The following CACNB2 variants were observed in gnomAD, a reference collection of about 807,000 sequenced individuals.
CACNB2 encodes the protein calcium voltage-gated channel auxiliary subunit beta 2.
CACNB2 carries 42 observed loss-of-function variants against 73.3 expected under a neutral mutation model. The ratio of observed to expected loss-of-function variants is 0.57; its 90% CI spans 0.45 to 0.74. The LOEUF is 0.74. CACNB2 is among the 30% of genes least tolerant of loss of function. The pLI is 0.00. For synonymous variants in CACNB2, 348 were observed against 310.3 expected (o/e 1.12, Z -1.28); for missense variants, 940 against 853.0 (o/e 1.10, Z -1.27).
intron 3 of CACNB2, among the ~76,000 whole-genome samples, chr10:18,484,030 G>A (rs1415908700): frequency 6.6e-6 from 1 of 152,172 alleles, no homozygotes; most frequent in Non-Finnish European, 1.5e-5. Flanking sequence ...AAAAAATGAT[G>A]TCACTGGTGT....
chr10:18,271,033 G>A (rs111813592), intron 2 of CACNB2, among the ~76,000 whole-genome samples: 7 of 152,272 alleles, frequency 4.6e-5, no homozygotes, highest in African/African-American at 1.7e-4. Flanking sequence ...GCTTCCCCTA[G>A]ATACTTCATT....
chr10:18,444,788 T>C (rs979590036), intron 3 of CACNB2, among the ~76,000 whole-genome samples: 2 of 152,178 alleles, frequency 1.3e-5, no homozygotes, highest in African/African-American at 4.8e-5. Flanking sequence ...TCCCCTTCCA[T>C]TTCATAGAGA....
In CACNB2 at chr10:18,542,590, T is replaced by A. The variant is rs1329352025; in HGVS notation, c.*2866T>A. ...TTATTTTGTATCTAGATTCTTAGCTTGCACTTTACTGTAGAACATATTAGT... is the reference window on the plus strand; with the variant it reads ...TTATTTTGTATCTAGATTCTTAGCTAGCACTTTACTGTAGAACATATTAGT... On this transcript the variant is annotated 3_prime_UTR_variant, in exon 14 of 14. Coordinates refer to ENST00000324631, the MANE Select transcript of CACNB2 (RefSeq NM_201596.3). 1 of 152,238 alleles carries A rather than the reference T, an allele frequency of 6.6e-6. No homozygotes were observed. The highest frequency in any genetic ancestry group is 1.5e-5 in the Non-Finnish European group (1 of 68,038). The allele number at this position is 152,238 out of a possible 1,614,324, so 9.4% of individuals were successfully genotyped here. A position where few individuals can be genotyped will look rare whatever the true frequency, so the allele number is the denominator to read the frequency against.
intron 2 of CACNB2, among the ~76,000 whole-genome samples, chr10:18,358,262 G>A (rs375925142): frequency 1.1e-3 from 162 of 152,132 alleles, no homozygotes; most frequent in African/African-American, 3.8e-3. Flanking sequence ...ATTTTTTTGT[G>A]TTTTTAGTAG....
intron 6 of CACNB2, among the ~76,000 whole-genome samples, chr10:18,511,869 G>A (rs2050809281): frequency 6.6e-6 from 1 of 152,190 alleles, no homozygotes; most frequent in Non-Finnish European, 1.5e-5. Context: ...GTGGTATACG[G>A]AGGGTTATAG....
intron 2 of CACNB2, among the ~76,000 whole-genome samples, chr10:18,286,406 T>C (rs2038795823): frequency 6.6e-6 from 1 of 150,960 alleles, no homozygotes; most frequent in Admixed American, 6.6e-5. Context: ...TAGTCCCAGC[T>C]ACTCGGGAGG....
rs139046732 is a variant in CACNB2, at chr10:18,293,429, T to C, written c.214-108495T>C. 3.3e-4 allele frequency among the ~76,000 whole-genome samples: 50 copies of C among 152,328 alleles called. No individual in the cohort carries two copies. The East Asian group carries it at 8.9e-3, about 27-fold the overall frequency. On this transcript the variant is annotated intron_variant, in intron 2 of 13. Coordinates refer to ENST00000324631, the MANE Select transcript of CACNB2 (RefSeq NM_201596.3). ...ACATAAACATTAAAGAAAAGAGTCGTTTCAGAAGTACATCCCCTCCTTCAT... is the reference window on the plus strand; with the variant it reads ...ACATAAACATTAAAGAAAAGAGTCGCTTCAGAAGTACATCCCCTCCTTCAT...
intron 2 of CACNB2, among the ~76,000 whole-genome samples, chr10:18,188,940 C>T (rs2034275918): frequency 6.6e-6 from 1 of 152,052 alleles, no homozygotes; most frequent in African/African-American, 2.4e-5. Flanking sequence ...AAGAACCGCA[C>T]TTGAGAGGAT....
chr10:18,240,529 T>G (rs1450389936), intron 2 of CACNB2, among the ~76,000 whole-genome samples: 2 of 152,160 alleles, frequency 1.3e-5, no homozygotes, highest in Non-Finnish European at 2.9e-5. Flanking sequence ...AAATCCAACT[T>G]CTTTCTTGAC....
chr10:18,402,935 G>C (rs1377683153), intron 3 of CACNB2, among the ~76,000 whole-genome samples: 1 of 152,198 alleles, frequency 6.6e-6, no homozygotes, highest in Admixed American at 6.5e-5. Context: ...TCTCTGAGAT[G>C]AGTAAAATCT....
chr10:18,344,443 C>T (rs1158296580), intron 2 of CACNB2, among the ~76,000 whole-genome samples: 2 of 151,594 alleles, frequency 1.3e-5, no homozygotes, highest in African/African-American at 4.9e-5. Flanking sequence ...GATCTTGGCT[C>T]ACTGAAACCT....
intron 3 of CACNB2, among the ~76,000 whole-genome samples, chr10:18,468,083 A>G (rs2047993712): frequency 6.6e-6 from 1 of 152,198 alleles, no homozygotes; most frequent in Non-Finnish European, 1.5e-5. Flanking sequence ...TACCAGGCAC[A>G]TGTTGATCAG....
chr10:18,217,033 G>A (rs2482118), intron 2 of CACNB2, among the ~76,000 whole-genome samples: 2 of 151,930 alleles, frequency 1.3e-5, no homozygotes, highest in African/African-American at 4.8e-5. Flanking sequence ...CTTTTCATAC[G>A]TTTATTGAAT....
intron 2 of CACNB2, among the ~76,000 whole-genome samples, chr10:18,310,103 T>G (rs978282349): frequency 2.0e-5 from 3 of 152,186 alleles, no homozygotes; most frequent in African/African-American, 7.2e-5. Flanking sequence ...AATAGATTTT[T>G]TTTTTCAACT....
rs1295680841 is a variant in CACNB2, at chr10:18,401,915, C to A, written c.214-9C>A. The A allele has an allele frequency of 6.2e-6, 10 of 1,613,834 alleles. No homozygotes were observed. The highest frequency in any genetic ancestry group is 8.5e-6 in the Non-Finnish European group (10 of 1,179,778). On this transcript the variant is annotated splice_polypyrimidine_tract_variant and intron_variant, in intron 2 of 13. Coordinates refer to ENST00000324631, the MANE Select transcript of CACNB2 (RefSeq NM_201596.3). ...GAATCTACTTTAAAATGTACATTTT[C>A]CTCTCCAGGGTTCGGCAGACTCCTA...
At position 18,258,389 on chromosome 10, in the gene CACNB2, T is replaced by G. The variant is rs184163686; in HGVS notation, c.213+107414T>G. Reference sequence around the variant, plus strand: ...GCTAAATTTTTATTCTTTATTCAGTTATTCTAGTAAAAATGTGGTGATAGA... The same window carrying G: ...GCTAAATTTTTATTCTTTATTCAGTGATTCTAGTAAAAATGTGGTGATAGA... On this transcript the variant is annotated intron_variant, in intron 2 of 13. Coordinates refer to ENST00000324631, the MANE Select transcript of CACNB2 (RefSeq NM_201596.3). 5.9e-3 allele frequency among the ~76,000 whole-genome samples: 897 copies of G among 152,326 alleles called. 3 individuals carry two copies. The highest frequency in any genetic ancestry group is 0.02 in the Middle Eastern group (6 of 294).
intron 2 of CACNB2, among the ~76,000 whole-genome samples, chr10:18,192,037 A>C (rs1366315753): frequency 6.6e-6 from 1 of 151,814 alleles, no homozygotes; most frequent in Non-Finnish European, 1.5e-5. Context: ...TATAAGGTAC[A>C]AGTGAAATGG....
intron 2 of CACNB2, among the ~76,000 whole-genome samples, chr10:18,201,833 T>G (rs920074268): frequency 2.7e-4 from 41 of 152,204 alleles, no homozygotes; most frequent in Non-Finnish European, 3.5e-4. Context: ...TGTAATTTTG[T>G]GTCCTTTAAC....
chr10:18,495,448 A>G (rs1281213797), intron 3 of CACNB2, among the ~76,000 whole-genome samples: 2 of 151,946 alleles, frequency 1.3e-5, no homozygotes, highest in African/African-American at 4.8e-5. Flanking sequence ...AGAACTCCCA[A>G]TCTCAGGTGA....
Sources: allele counts gnomAD v4.1 joint callset (sites outside exome capture counted in the v4.1 genomes callset), GRCh38; gene constraint gnomAD v4.1.1; transcripts MANE v1.5; gene names NCBI Gene and HGNC (gene_info 2026-07-23, HGNC 2026-07-21).